DYM: variants seen among roughly 807,000 people sequenced by gnomAD.
DYM encodes the protein dymeclin.
A neutral mutation model predicts 93.1 loss-of-function variants in DYM; 78 were observed. The observed-to-expected ratio is 0.84, with a 90% confidence interval of 0.70 to 1.01. The LOEUF is 1.01. Among genes scored for constraint, DYM ranks in the 50% least tolerant of loss-of-function variants. The pLI is 0.00. For missense variants in DYM, 789 were observed against 845.0 expected, an observed-to-expected ratio of 0.93 and a Z score of 0.82; for synonymous variants, 321 against 319.7, an observed-to-expected ratio of 1.00 and a Z score of -0.04.
chr18:49,416,163 G>A (rs2072965112), intron 2 of DYM, among the ~76,000 whole-genome samples: 1 of 152,120 alleles, frequency 6.6e-6, no homozygotes, highest in South Asian at 2.1e-4. Flanking sequence ...AAACTAATAG[G>A]TAATTACTCC....
In DYM at chr18:49,114,653, T is replaced by C. The variant is rs951848879; in HGVS notation, c.1911+4091A>G. ...AATTAATATGGTCTTTCAGAGACTT[T>C]TTTTTTCTTTTTCTTTCGTGTGTGT... On this transcript the variant is annotated intron_variant, in intron 16 of 17. Transcript: ENST00000675505. 3.5e-6 allele frequency: 3 copies of C among 863,112 alleles called. No homozygotes were observed. In the African/African-American group the frequency reaches 5.6e-5, roughly 16 times the overall value. The allele number at this position is 863,112 out of a possible 1,614,324, so 53.5% of individuals were successfully genotyped here. A position where few individuals can be genotyped will look rare whatever the true frequency, so the allele number is the denominator to read the frequency against.
intron 11 of DYM, among the ~76,000 whole-genome samples, chr18:49,259,167 G>C (rs2094451176): frequency 6.6e-6 from 1 of 152,088 alleles, no homozygotes; most frequent in African/African-American, 2.4e-5. Flanking sequence ...CTTAAGAAGA[G>C]GCACACATCC....
At chr18:49,391,399 T>G (rs1599864330) in intron 3 of DYM, 194 bp downstream of exon 3, 1 of 590,252 alleles carries the variant, frequency 1.7e-6, no homozygotes, top group East Asian at 3.1e-5. Context: ...ACTGCAGATA[T>G]AGCCAAGCAT....
rs1308806706 is a variant in DYM, at chr18:49,330,744, C to A, written c.763+1120G>T. Among the ~76,000 whole-genome samples the A allele has an allele frequency of 2.0e-5, 3 of 152,058 alleles. No homozygotes were observed. In the East Asian group the frequency reaches 5.8e-4, roughly 29 times the overall value. ...AGAAAACAGTAATAGATCAATTAAG[C>A]CTTCCAATGGGACACAAAAAGCCCC... On this transcript the variant is annotated intron_variant, in intron 8 of 17. Transcript: ENST00000675505.
chr18:49,313,755 C>G (rs1461775652), intron 8 of DYM, among the ~76,000 whole-genome samples: 1 of 152,128 alleles, frequency 6.6e-6, no homozygotes, highest in Non-Finnish European at 1.5e-5. Flanking sequence ...AGAACCCTCT[C>G]TTGGGATCTG....
intron 8 of DYM, among the ~76,000 whole-genome samples, chr18:49,308,129 G>C (rs1355147637): frequency 6.6e-6 from 1 of 151,742 alleles, no homozygotes; most frequent in African/African-American, 2.4e-5. Context: ...CATATATCTA[G>C]GAACAAAAAC....
chr18:49,143,899 A>C (rs1027600905), intron 15 of DYM, among the ~76,000 whole-genome samples: 33 of 152,188 alleles, frequency 2.2e-4, no homozygotes, highest in Admixed American at 4.6e-4. Flanking sequence ...ATTCTGAAGC[A>C]AAGTCCAAAC....
At chr18:49,359,741 T>C (rs995538233) in intron 6 of DYM, 1 of 152,260 alleles carries the variant, frequency 6.6e-6, no homozygotes, top group African/African-American at 2.4e-5. Context: ...TTTCATCTTG[T>C]TATTTACCTG....
chr18:49,196,266 C>A (rs879913968), intron 14 of DYM, among the ~76,000 whole-genome samples: 2 of 152,124 alleles, frequency 1.3e-5, no homozygotes, highest in Non-Finnish European at 2.9e-5. Flanking sequence ...AGCTTTATAA[C>A]AGGATCACAC....
At chr18:49,197,892 T>C (rs1462598886) in intron 14 of DYM, among the ~76,000 whole-genome samples, 1 of 152,150 alleles carries the variant, frequency 6.6e-6, no homozygotes, top group Non-Finnish European at 1.5e-5. Flanking sequence ...TTAAAGTTCA[T>C]ATGGAACCAA....
intron 13 of DYM, among the ~76,000 whole-genome samples, chr18:49,246,912 T>C (rs570145045): frequency 2.0e-5 from 3 of 152,302 alleles, no homozygotes; most frequent in African/African-American, 7.2e-5. Context: ...GCAACAGAAA[T>C]TCATAACTAG....
chr18:49,369,214 C>T (rs2066781913), intron 5 of DYM, among the ~76,000 whole-genome samples: 1 of 152,212 alleles, frequency 6.6e-6, no homozygotes, highest in Non-Finnish European at 1.5e-5. Context: ...AGTCAAGATA[C>T]CTTACCCTTC....
At chr18:49,220,562 G>A (rs2093307294) in intron 13 of DYM, among the ~76,000 whole-genome samples, 1 of 151,408 alleles carries the variant, frequency 6.6e-6, no homozygotes, top group South Asian at 2.1e-4. Flanking sequence ...CAGAGATATA[G>A]ATCAATGGAA....
At chr18:49,200,473 C>A (rs2091900162) in intron 14 of DYM, among the ~76,000 whole-genome samples, 2 of 151,388 alleles carry the variant, frequency 1.3e-5, no homozygotes, top group African/African-American at 4.8e-5. Flanking sequence ...AGCTTATATT[C>A]TTTTTTCATA....
At chr18:49,143,703 A>G (rs2084780391) in intron 15 of DYM, among the ~76,000 whole-genome samples, 1 of 152,192 alleles carries the variant, frequency 6.6e-6, no homozygotes, top group South Asian at 2.1e-4. Context: ...TTGAGTATAC[A>G]GTTCAGTGAC....
chr18:49,194,264 A>G (rs561743103), intron 14 of DYM, among the ~76,000 whole-genome samples: 1 of 152,346 alleles, frequency 6.6e-6, no homozygotes, highest in East Asian at 1.9e-4. Context: ...CCATACACAT[A>G]GTTTAAACTG....
Position 49,066,104 on chromosome 18 carries a change from T to C in DYM, c.2026-21900A>G, listed in dbSNP as rs180760925. Among the ~76,000 whole-genome samples the C allele has an allele frequency of 1.8e-4, 27 of 151,008 alleles. No individual in the cohort carries two copies. In the East Asian group the frequency reaches 5.1e-3, roughly 28 times the overall value. On this transcript the variant is annotated intron_variant, in intron 17 of 17. Transcript: ENST00000675505. ...TGTAAAAGTGTAACAACTAAATAGG[T>C]TGGTGCAAAAGTAATCGCGTTTTTT...
At chr18:49,270,231 G>A (rs573483410) in intron 11 of DYM, among the ~76,000 whole-genome samples, 3 of 152,296 alleles carry the variant, frequency 2.0e-5, no homozygotes, top group African/African-American at 7.2e-5. Flanking sequence ...GTGCATGGTT[G>A]TATAAACAAA....
chr18:49,197,384 A>G (rs544337086), intron 14 of DYM, among the ~76,000 whole-genome samples: 151 of 152,264 alleles, frequency 9.9e-4, no homozygotes, highest in Non-Finnish European at 1.4e-3. Context: ...AGCCAGGAGT[A>G]TGCTGTCACA....
Sources: gnomAD v4.1 joint callset for allele counts (sites outside exome capture counted in the v4.1 genomes callset) on GRCh38, gnomAD v4.1.1 for gene constraint, MANE v1.5 for transcripts, NCBI Gene and HGNC (gene_info 2026-07-23, HGNC 2026-07-21) for gene names.